TSNARE1: variants seen among roughly 807,000 people sequenced by gnomAD.
TSNARE1 encodes the protein t-SNARE domain containing 1.
A neutral mutation model predicts 62.0 loss-of-function variants in TSNARE1; 49 were observed. The observed-to-expected ratio is 0.79, with a 90% CI of 0.63 to 1.00. The LOEUF (loss-of-function observed/expected upper bound fraction) is 1.00, where lower values mean the gene tolerates loss of function less well. Ranked by LOEUF, TSNARE1 falls within the 50% of genes least tolerant of loss-of-function variation. The probability of loss-of-function intolerance (pLI) is 0.00; values close to 1 mark genes in which losing one functional copy is unlikely to be tolerated. For synonymous variants in TSNARE1, 328 were observed against 294.4 expected (o/e 1.11, Z -1.17); for missense variants, 755 against 700.1 (o/e 1.08, Z -0.88).
upstream of TSNARE1, chr8:142,404,618 G>T (rs1008361093): frequency 1.3e-5 from 2 of 152,308 alleles, no homozygotes; most frequent in Non-Finnish European, 2.9e-5. Context: ...TTGCAGCCTC[G>T]CCATGATTTG....
intron 1 of TSNARE1, among the ~76,000 whole-genome samples, chr8:142,397,937 T>C (rs1022063468): frequency 6.6e-6 from 1 of 151,892 alleles, no homozygotes; most frequent in Admixed American, 6.5e-5. Flanking sequence ...TCCAGACCTC[T>C]TCGGCAAACC....
chr8:142,282,892 G>A (rs1423247656), intron 11 of TSNARE1, among the ~76,000 whole-genome samples: 1 of 145,406 alleles, frequency 6.9e-6, no homozygotes, highest in Non-Finnish European at 1.5e-5. Context: ...CTGTCAATGA[G>A]CAGAGGCGGG....
In TSNARE1 at chr8:142,299,663, GCA is replaced by G. The variant is rs56246844; in HGVS notation, c.1290+821_1290+822del. ...CTCACGCACGCACGCATACTTGCAT[GCA>G]CACACGCACTCACATGCATCACACG... On this transcript the variant is annotated intron_variant, in intron 10 of 13. Coordinates refer to ENST00000524325, the MANE Select transcript of TSNARE1 (RefSeq NM_145003.5). Among the ~76,000 whole-genome samples the G allele has an allele frequency of 5.2e-3, 781 of 150,800 alleles. 2 individuals carry two copies. Among genetic ancestry groups the G allele is most frequent in the Non-Finnish European group, 8.4e-3 (565 of 67,562 alleles).
chr8:142,371,347 T>C (rs563395318), intron 1 of TSNARE1, among the ~76,000 whole-genome samples: 7 of 152,328 alleles, frequency 4.6e-5, no homozygotes, highest in African/African-American at 1.2e-4. Flanking sequence ...GGTGAATGGC[T>C]GCCAGGGGCT....
At chr8:142,385,762 T>A (rs1438099126) in intron 1 of TSNARE1, among the ~76,000 whole-genome samples, 3 of 152,216 alleles carry the variant, frequency 2.0e-5, no homozygotes, top group African/African-American at 7.2e-5. Flanking sequence ...TTGTAATTAC[T>A]CATAGAAGGT....
chr8:142,301,249 C>T (rs1355246016), intron 9 of TSNARE1, among the ~76,000 whole-genome samples: 2 of 121,980 alleles, frequency 1.6e-5, no homozygotes, highest in African/African-American at 3.2e-5. Context: ...CCCATGCCAG[C>T]GGGCCTTCCT....
chr8:142,364,076 G>C (rs951891297), intron 1 of TSNARE1, among the ~76,000 whole-genome samples: 13 of 152,210 alleles, frequency 8.5e-5, no homozygotes, highest in Non-Finnish European at 1.8e-4. Flanking sequence ...CAAGGTCACA[G>C]GGACACAGCG....
At chr8:142,331,696 C>T in intron 5 of TSNARE1, 58 bp downstream of exon 5, 2 of 1,503,834 alleles carry the variant, frequency 1.3e-6, no homozygotes, top group Admixed American at 1.9e-5. Context: ...TCCAATGTCG[C>T]ATCAGTGGTC....
At chr8:142,380,438 C>T (rs549868969) in intron 1 of TSNARE1, among the ~76,000 whole-genome samples, 2 of 152,170 alleles carry the variant, frequency 1.3e-5, no homozygotes, top group African/African-American at 4.8e-5. Flanking sequence ...GAGCCTCCTG[C>T]GGGCTGAACT....
At chr8:142,307,359 T>C (rs919500935) in intron 9 of TSNARE1, among the ~76,000 whole-genome samples, 5 of 152,222 alleles carry the variant, frequency 3.3e-5, no homozygotes, top group African/African-American at 9.6e-5. Context: ...GGGGCTGCTA[T>C]GAGCATTCTC....
At chr8:142,350,069 CCAGGGCAGG>C (rs71313219) in intron 2 of TSNARE1, among the ~76,000 whole-genome samples, 11,768 of 77,024 alleles carry the variant, frequency 0.15, 2,115 homozygotes, top group African/African-American at 0.42. Flanking sequence ...AGGGCTGGGA[CCAGGGCAGG>C]CAGGGCAGGC....
chr8:142,312,672 C>T (rs1010190772), intron 9 of TSNARE1, among the ~76,000 whole-genome samples: 7 of 152,180 alleles, frequency 4.6e-5, no homozygotes, highest in Middle Eastern at 3.2e-3. Context: ...TCTCACATCA[C>T]GCACACACCA....
intron 2 of TSNARE1, among the ~76,000 whole-genome samples, chr8:142,352,590 G>A (rs562646043): frequency 6.6e-6 from 1 of 152,400 alleles, no homozygotes; most frequent in African/African-American, 2.4e-5. Flanking sequence ...AGAACCCAAC[G>A]TGATGCAGCG....
chr8:142,227,876 G>A (rs1816915421), intron 13 of TSNARE1, among the ~76,000 whole-genome samples: 1 of 152,238 alleles, frequency 6.6e-6, no homozygotes, highest in Non-Finnish European at 1.5e-5. Context: ...ACAACACATG[G>A]CCTGGCACAC....
intron 2 of TSNARE1, among the ~76,000 whole-genome samples, chr8:142,353,982 C>T (rs1834463304): frequency 6.6e-6 from 1 of 152,190 alleles, no homozygotes; most frequent in Non-Finnish European, 1.5e-5. Context: ...TGGCGGCTGC[C>T]CTGACCCAGA....
chr8:142,254,921 G>C (rs75013236), intron 12 of TSNARE1, among the ~76,000 whole-genome samples: 6,113 of 152,248 alleles, frequency 0.04, 144 homozygotes, highest in South Asian at 0.071. Flanking sequence ...CACTCCCTGG[G>C]CCAGGCCCCT....
chr8:142,323,931 A>G (rs1403591959), intron 6 of TSNARE1, among the ~76,000 whole-genome samples: 1 of 152,120 alleles, frequency 6.6e-6, no homozygotes, highest in African/African-American at 2.4e-5. Flanking sequence ...ATGAGACTGC[A>G]CCTGTCTTAT....
chr8:142,273,763 T>A (rs1383936633), intron 12 of TSNARE1: 3 of 985,140 alleles, frequency 3.0e-6, no homozygotes, highest in Non-Finnish European at 3.6e-6. Context: ...TTTCCCTCAT[T>A]CTCCACCCAG....
chr8:142,274,629 C>G, intron 12 of TSNARE1, 152 bp downstream of exon 12: 1 of 1,333,012 alleles, frequency 7.5e-7, no homozygotes. Context: ...CCCTAGGGCA[C>G]GGGCAGCAGA....
Sources: gnomAD v4.1 joint callset for allele counts (sites outside exome capture counted in the v4.1 genomes callset) on GRCh38, gnomAD v4.1.1 for gene constraint, MANE v1.5 for transcripts, NCBI Gene and HGNC (gene_info 2026-07-23, HGNC 2026-07-21) for gene names.